The following TJP1 variants were observed in gnomAD, a reference collection of about 807,000 sequenced individuals.
TJP1 encodes the protein tight junction protein 1.
In TJP1, 43 loss-of-function variants were observed where a neutral mutation model predicts 194.2. The ratio of observed to expected loss-of-function variants is 0.22; its 90% confidence interval spans 0.17 to 0.29. The LOEUF is 0.29. Ranked by LOEUF, TJP1 falls within the 10% of genes least tolerant of loss-of-function variation. The pLI, the probability that TJP1 is intolerant of heterozygous loss-of-function variation, is 1.00. For synonymous variants in TJP1, 801 were observed against 779.0 expected (o/e 1.03, Z -0.47); for missense variants, 1,971 against 2,185.7 (o/e 0.90, Z 1.96).
intron 2 of TJP1, among the ~76,000 whole-genome samples, chr15:29,778,938 G>A (rs1217831952): frequency 1.3e-5 from 2 of 152,104 alleles, no homozygotes; most frequent in Non-Finnish European, 2.9e-5. Flanking sequence ...GGCCCTATTT[G>A]GGAGGAAGTC....
intron 2 of TJP1, among the ~76,000 whole-genome samples, chr15:29,790,585 A>G (rs1178970713): frequency 1.3e-5 from 2 of 152,124 alleles, no homozygotes; most frequent in Non-Finnish European, 2.9e-5. Context: ...TGAAATACAC[A>G]ATAAATTAAC....
chr15:29,770,846 A>G (rs933270907), intron 4 of TJP1, among the ~76,000 whole-genome samples: 3 of 151,940 alleles, frequency 2.0e-5, no homozygotes, highest in East Asian at 1.9e-4. Context: ...ACTTAAATAA[A>G]TTTTATAAAT....
intron 23 of TJP1, among the ~76,000 whole-genome samples, chr15:29,714,157 T>C (rs2042406774): frequency 6.6e-6 from 1 of 152,218 alleles, no homozygotes; most frequent in Admixed American, 6.5e-5. Flanking sequence ...AAGTCTTCTT[T>C]CTAGAAAAAC....
chr15:29,849,877 T>C (rs1000199763), intron 2 of TJP1, among the ~76,000 whole-genome samples: 2 of 152,066 alleles, frequency 1.3e-5, no homozygotes, highest in African/African-American at 2.4e-5. Context: ...GCCTGGCCAT[T>C]AGTGACTCAC....
chr15:29,848,633 G>A (rs1300053673), intron 2 of TJP1, among the ~76,000 whole-genome samples: 4 of 151,826 alleles, frequency 2.6e-5, no homozygotes, highest in Admixed American at 6.6e-5. Flanking sequence ...AAGCCAAGGC[G>A]AGCGGATCAC....
At chr15:29,836,010 C>A (rs1413392009) in intron 2 of TJP1, among the ~76,000 whole-genome samples, 1 of 152,134 alleles carries the variant, frequency 6.6e-6, no homozygotes, top group Non-Finnish European at 1.5e-5. Flanking sequence ...TAACTTCATA[C>A]TCCCTTTGTC....
At chr15:29,793,119 C>T (rs1254156304) in intron 2 of TJP1, among the ~76,000 whole-genome samples, 1 of 152,146 alleles carries the variant, frequency 6.6e-6, no homozygotes, top group Admixed American at 6.5e-5. Flanking sequence ...TGTTTAATTG[C>T]TCTGGCTAGG....
chr15:29,934,945 T>C (rs1327858929), intron 2 of TJP1, among the ~76,000 whole-genome samples: 2 of 152,206 alleles, frequency 1.3e-5, no homozygotes, highest in African/African-American at 4.8e-5. Context: ...AATAAATTAG[T>C]AAGTTAAATG....
At chr15:29,787,280 C>T (rs1420467584) in intron 2 of TJP1, among the ~76,000 whole-genome samples, 2 of 152,014 alleles carry the variant, frequency 1.3e-5, no homozygotes, top group Non-Finnish European at 2.9e-5. Flanking sequence ...TACCTCACAA[C>T]ATCTACAAAA....
intron 2 of TJP1, among the ~76,000 whole-genome samples, chr15:29,837,701 A>G (rs1401176423): frequency 6.6e-6 from 1 of 152,244 alleles, no homozygotes; most frequent in African/African-American, 2.4e-5. Flanking sequence ...GATAGTACCT[A>G]TATTTAGTAA....
At chr15:29,795,222 A>G (rs1330572551) in intron 2 of TJP1, among the ~76,000 whole-genome samples, 1 of 152,046 alleles carries the variant, frequency 6.6e-6, no homozygotes, top group South Asian at 2.1e-4. Context: ...TCAGGAGTTC[A>G]AGACCAGCCC....
chr15:29,904,975 A>C (rs536262288), intron 2 of TJP1, among the ~76,000 whole-genome samples: 60 of 152,372 alleles, frequency 3.9e-4, no homozygotes, highest in African/African-American at 1.4e-3. Context: ...AGGCAAGGAC[A>C]GATCCTCCCC....
In TJP1 at chr15:29,718,527, T is replaced by C. The variant is rs1447808160; in HGVS notation, c.3615A>G (p.Gln1205=). Residue 1205 remains glutamine, a synonymous_variant, in exon 21 of 28, where the codon CAA becomes CAG. Transcript: ENST00000614355. Reference sequence around the variant, plus strand: ...AATGACCTGCTCTAGAGGTAAATCCTTGGGGTGGTACTTGCTCGTAACTGC... The same window carrying C: ...AATGACCTGCTCTAGAGGTAAATCCCTGGGGTGGTACTTGCTCGTAACTGC... The part of the protein sequence containing the change: ...YSRSYEQVPP[Q]GFTSRAGHFE... The C allele has an allele frequency of 6.2e-7, 1 of 1,614,116 alleles. No individual in the cohort carries two copies. The highest frequency in any genetic ancestry group is 1.1e-5 in the South Asian group (1 of 91,074).
chr15:29,949,413 C>A lies in TJP1; in HGVS notation c.306+6819G>T, dbSNP rs1278913887. 5.7e-5 allele frequency among the ~76,000 whole-genome samples: 8 copies of A among 139,280 alleles called. No homozygotes were observed. The East Asian group carries it at 1.7e-3, about 30-fold the overall frequency. The allele number at this position is 139,280 out of a possible 152,430, so 91.4% of individuals were successfully genotyped here. On this transcript the variant is annotated intron_variant, in intron 2 of 28. Coordinates refer to the TJP1 transcript ENST00000356107. Reference sequence around the variant, plus strand: ...ACCACCACCACCTCCACAACCACCACCTCTACCTCCACAACCACCACCTCC... The same window carrying A: ...ACCACCACCACCTCCACAACCACCAACTCTACCTCCACAACCACCACCTCC...
At chr15:29,797,201 T>A (rs2048469956) in intron 2 of TJP1, among the ~76,000 whole-genome samples, 1 of 152,138 alleles carries the variant, frequency 6.6e-6, no homozygotes, top group East Asian at 1.9e-4. Flanking sequence ...CATGCTGGAG[T>A]GCAGTGGCAC....
chr15:29,928,767 C>A (rs549220837), intron 2 of TJP1, among the ~76,000 whole-genome samples: 1 of 152,206 alleles, frequency 6.6e-6, no homozygotes, highest in South Asian at 2.1e-4. Flanking sequence ...CACGGTGAAA[C>A]CCCGTCTCTA....
intron 2 of TJP1, among the ~76,000 whole-genome samples, chr15:29,949,573 A>C (rs1171420175): frequency 0.031 from 246 of 7,864 alleles, no homozygotes; most frequent in South Asian, 0.041. Context: ...CCACTTCCAC[A>C]ACCACCACCT....
At chr15:29,844,070 A>G (rs1331822016) in intron 2 of TJP1, among the ~76,000 whole-genome samples, 2 of 151,800 alleles carry the variant, frequency 1.3e-5, no homozygotes. Context: ...TTTGAAACAG[A>G]GTCTTGCTCT....
rs143626776 is a variant in TJP1 at position 29,790,736 on chromosome 15, C to T, written c.84+9910G>A. On this transcript the variant is annotated intron_variant, in intron 2 of 27. Transcript: ENST00000614355. The stretch of plus-strand genomic sequence containing the variant: ...TAACCATCATTCTACTCTCTGTCTC[C>T]GTGAGTTCATTTTTCTTTTTTTTTT... Among the ~76,000 whole-genome samples, 15 of 151,310 alleles carry T rather than the reference C, an allele frequency of 9.9e-5. No homozygotes were observed. The East Asian group carries it at 2.3e-3, about 23-fold the overall frequency.
Sources: allele counts gnomAD v4.1 joint callset (sites outside exome capture counted in the v4.1 genomes callset), GRCh38; gene constraint gnomAD v4.1.1; transcripts MANE v1.5; gene names NCBI Gene and HGNC (gene_info 2026-07-23, HGNC 2026-07-21).